EYS: variants seen among roughly 807,000 people sequenced by gnomAD.
EYS encodes the protein EGF-like photoreceptor maintenance factor.
In EYS, 250 loss-of-function variants were observed where a neutral mutation model predicts 282.1. The observed-to-expected ratio is 0.89, with a 90% CI of 0.80 to 0.98. EYS has a LOEUF of 0.98. EYS is among the 50% of genes least tolerant of loss of function. EYS has a pLI of 0.00. For synonymous variants in EYS, 1,355 were observed against 1,282.9 expected, an observed-to-expected ratio of 1.06 and a Z score of -1.20; for missense variants, 4,016 against 3,709.0, an observed-to-expected ratio of 1.08 and a Z score of -2.15.
chr6:65,574,361 C>T (rs1764584904), intron 2 of EYS, among the ~76,000 whole-genome samples: 1 of 152,036 alleles, frequency 6.6e-6, no homozygotes, highest in Non-Finnish European at 1.5e-5. Context: ...AAGAGAAGGT[C>T]CTGCAAGTAG....
chr6:63,894,289 G>C (rs1385932489), intron 35 of EYS, among the ~76,000 whole-genome samples: 1 of 152,122 alleles, frequency 6.6e-6, no homozygotes, highest in Non-Finnish European at 1.5e-5. Flanking sequence ...TCCTGGATTA[G>C]GGTGGGTGTT....
intron 18 of EYS, among the ~76,000 whole-genome samples, chr6:64,897,972 A>T (rs746551715): frequency 2.0e-4 from 30 of 152,246 alleles, no homozygotes; most frequent in Non-Finnish European, 4.0e-4. Flanking sequence ...GACTAAACCT[A>T]CATTTGATTG....
rs554487732 is a variant in EYS at position 64,522,092 on chromosome 6, T to C, written c.5644+68131A>G. On this transcript the variant is annotated intron_variant, in intron 26 of 42. Coordinates refer to ENST00000503581, the MANE Select transcript of EYS (RefSeq NM_001142800.2). The stretch of plus-strand genomic sequence containing the variant: ...TAAAGGAAGACTTTAAGAAGATATT[T>C]GAAGACGAGGTGCTGCCATTGATGT... 3.9e-5 allele frequency among the ~76,000 whole-genome samples: 6 copies of C among 151,952 alleles called. No individual in the cohort carries two copies. The East Asian group carries it at 1.2e-3, about 29-fold the overall frequency.
chr6:63,808,890 TA>T (rs1197943804), intron 36 of EYS, among the ~76,000 whole-genome samples: 3 of 152,196 alleles, frequency 2.0e-5, no homozygotes, highest in Non-Finnish European at 4.4e-5. Context: ...TTGGGTTAAA[TA>T]AAATATATTA....
intron 22 of EYS, among the ~76,000 whole-genome samples, chr6:64,647,574 A>G (rs1768400235): frequency 6.6e-6 from 1 of 152,176 alleles, no homozygotes; most frequent in Admixed American, 6.5e-5. Context: ...GCACTATACC[A>G]ATGATTATCA....
intron 1 of EYS, among the ~76,000 whole-genome samples, chr6:65,680,171 C>T (rs1768767357): frequency 6.6e-6 from 1 of 151,460 alleles, no homozygotes; most frequent in African/African-American, 2.4e-5. Context: ...CATTGTTTGA[C>T]TTTGACTCTA....
chr6:64,500,488 G>C (rs1034371914), intron 26 of EYS, among the ~76,000 whole-genome samples: 2 of 151,798 alleles, frequency 1.3e-5, no homozygotes, highest in African/African-American at 4.8e-5. Flanking sequence ...ATTTTAAAAG[G>C]CTAAATCACA....
In EYS at chr6:63,763,700, T is replaced by C. The variant is rs562893895; in HGVS notation, c.7899-1067A>G. 1.1e-4 allele frequency among the ~76,000 whole-genome samples: 17 copies of C among 151,986 alleles called. No individual in the cohort carries two copies. The East Asian group carries it at 3.1e-3, about 28-fold the overall frequency. ...CCCTTCCACCATGATGTAAGTTTTC[T>C]GAGGCCTCCCCAGCCATGCTGAACT... On this transcript the variant is annotated intron_variant, in intron 40 of 42. Transcript: ENST00000503581.
At chr6:65,595,449 C>T (rs1765372285) in intron 2 of EYS, among the ~76,000 whole-genome samples, 1 of 151,010 alleles carries the variant, frequency 6.6e-6, no homozygotes, top group South Asian at 2.1e-4. Context: ...GCACATGTAC[C>T]CTAGAACTTA....
At chr6:64,002,192 A>T (rs1482075382) in intron 33 of EYS, among the ~76,000 whole-genome samples, 1 of 152,190 alleles carries the variant, frequency 6.6e-6, no homozygotes, top group East Asian at 1.9e-4. Flanking sequence ...CTGTCAGAGA[A>T]GAGTCCAGCC....
intron 22 of EYS, among the ~76,000 whole-genome samples, chr6:64,669,493 A>T (rs965955438): frequency 2.0e-5 from 3 of 152,134 alleles, no homozygotes; most frequent in African/African-American, 4.8e-5. Flanking sequence ...CAGTTCTTTG[A>T]ATGAGAGTAC....
intron 8 of EYS, among the ~76,000 whole-genome samples, chr6:65,381,293 A>G (rs566357088): frequency 6.6e-5 from 10 of 152,270 alleles, no homozygotes; most frequent in African/African-American, 2.4e-4. Flanking sequence ...ATCATAAAAA[A>G]GAATGAGTTC....
chr6:64,011,918 C>T (rs1197759087), intron 33 of EYS, among the ~76,000 whole-genome samples: 1 of 152,094 alleles, frequency 6.6e-6, no homozygotes. Context: ...TTAGGCTTGG[C>T]AATTACCCAA....
At chr6:64,420,985 C>T (rs538425082) in intron 28 of EYS, among the ~76,000 whole-genome samples, 4 of 152,276 alleles carry the variant, frequency 2.6e-5, no homozygotes, top group East Asian at 3.9e-4. Flanking sequence ...TACTCAGCTT[C>T]AAAGTCGCTT....
rs755713237 is a variant in EYS, at chr6:65,353,451, T to C, written c.1459+7A>G. ...GCAGATTGAAAAAAATTACATAAAT[T>C]TGTTACCTGCAAATCCCAATTGCCA... On this transcript the variant is annotated splice_region_variant and intron_variant, in intron 9 of 42. Coordinates refer to ENST00000503581, the MANE Select transcript of EYS (RefSeq NM_001142800.2). 6.2e-7 allele frequency: 1 copy of C among 1,612,494 alleles called. No homozygotes were observed. The highest frequency in any genetic ancestry group is 1.7e-5 in the Admixed American group (1 of 59,970).
At chr6:65,682,661 C>T (rs1013211074) in intron 1 of EYS, among the ~76,000 whole-genome samples, 3 of 151,820 alleles carry the variant, frequency 2.0e-5, no homozygotes, top group Non-Finnish European at 4.4e-5. Flanking sequence ...AATTCATGCT[C>T]TCCGGGAGCT....
chr6:63,849,961 CTAGTT>C (rs925022640), intron 36 of EYS, among the ~76,000 whole-genome samples: 4 of 152,092 alleles, frequency 2.6e-5, no homozygotes, highest in Admixed American at 6.5e-5. Context: ...ACTAGAATAA[CTAGTT>C]TAGAGAAGAA....
chr6:64,798,854 C>T (rs1583169699), intron 22 of EYS, among the ~76,000 whole-genome samples: 2 of 151,822 alleles, frequency 1.3e-5, no homozygotes, highest in Admixed American at 1.3e-4. Flanking sequence ...CATTCTACTC[C>T]CACATTTAAT....
chr6:65,603,530 C>T (rs536771865), intron 2 of EYS, among the ~76,000 whole-genome samples: 1 of 151,900 alleles, frequency 6.6e-6, no homozygotes, highest in South Asian at 2.1e-4. Flanking sequence ...CCCCCTGTTA[C>T]CTGAGAAGGC....
Sources: gnomAD v4.1 joint callset for allele counts (sites outside exome capture counted in the v4.1 genomes callset) on GRCh38, gnomAD v4.1.1 for gene constraint, MANE v1.5 for transcripts, NCBI Gene and HGNC (gene_info 2026-07-23, HGNC 2026-07-21) for gene names.